The following DTNB variants were observed in gnomAD, a reference collection of about 807,000 sequenced individuals.
DTNB encodes dystrobrevin beta, also known as DTN-B.
Under a neutral mutation model 90.7 loss-of-function variants are expected in DTNB, and 63 were observed. The ratio of observed to expected loss-of-function variants is 0.69; its 90% CI spans 0.57 to 0.86. The LOEUF (loss-of-function observed/expected upper bound fraction) is 0.86, where lower values mean the gene tolerates loss of function less well. DTNB is among the 40% of genes least tolerant of loss of function. DTNB has a pLI of 0.00. For missense variants in DTNB, 744 were observed against 807.1 expected (o/e 0.92, Z 0.95); for synonymous variants, 277 against 286.7 (o/e 0.97, Z 0.34).
chr2:25,483,022 A>T, intron 9 of DTNB, 149 bp from the exon 10 acceptor site: 54 of 533,548 alleles, frequency 1.0e-4, no homozygotes, highest in Middle Eastern at 7.7e-4. Flanking sequence ...CCCATGGGGA[A>T]GGGGAGGCCC....
At chr2:25,627,969 C>T (rs979492693) in intron 4 of DTNB, among the ~76,000 whole-genome samples, 17 of 152,146 alleles carry the variant, frequency 1.1e-4, no homozygotes, top group African/African-American at 4.1e-4. Context: ...ATCTCCTGAC[C>T]TTGTGATTTG....
In DTNB at chr2:25,404,247, C is replaced by T. The variant is rs115929159; in HGVS notation, c.1575+15268G>A. Among the ~76,000 whole-genome samples, 584 of 152,250 alleles carry T rather than the reference C, an allele frequency of 3.8e-3. 4 individuals are homozygous for T. The highest frequency in any genetic ancestry group is 0.013 in the African/African-American group (557 of 41,538). On this transcript the variant is annotated intron_variant, in intron 16 of 20. Transcript: ENST00000406818. ...CACACCAAACGGGATGTAACAGGTGCCACAGCAGAGAAACAGAGGAAAAGC... is the reference window on the plus strand; with the variant it reads ...CACACCAAACGGGATGTAACAGGTGTCACAGCAGAGAAACAGAGGAAAAGC...
intron 16 of DTNB, among the ~76,000 whole-genome samples, chr2:25,394,713 TA>T (rs1334236396): frequency 6.6e-6 from 1 of 151,964 alleles, no homozygotes; most frequent in African/African-American, 2.4e-5. Context: ...AGAATGGCAA[TA>T]AAAAGCTCAA....
chr2:25,578,135 A>T (rs1322484258), intron 7 of DTNB, among the ~76,000 whole-genome samples: 1 of 152,208 alleles, frequency 6.6e-6, no homozygotes, highest in African/African-American at 2.4e-5. Context: ...GCTTCCAAAA[A>T]TATATATTAA....
In DTNB at chr2:25,548,076, A is replaced by T. The variant is rs538187527; in HGVS notation, c.877-16479T>A. 2.0e-5 allele frequency among the ~76,000 whole-genome samples: 3 copies of T among 152,112 alleles called. No homozygotes were observed. In the South Asian group the frequency reaches 6.2e-4, roughly 32 times the overall value. The stretch of plus-strand genomic sequence containing the variant: ...TCAATAAATTAGACCTATTTTACTA[A>T]TTTTTTCAAATAGCCATCTTTTTGT... On this transcript the variant is annotated intron_variant, in intron 8 of 20. Transcript: ENST00000406818.
At chr2:25,550,264 G>A (rs2083350543) in intron 8 of DTNB, among the ~76,000 whole-genome samples, 1 of 152,080 alleles carries the variant, frequency 6.6e-6, no homozygotes, top group South Asian at 2.1e-4. Context: ...GGTGGCAGGT[G>A]CCTGTAGTCC....
At chr2:25,640,600 TA>T (rs2078047549) in intron 2 of DTNB, among the ~76,000 whole-genome samples, 1 of 152,176 alleles carries the variant, frequency 6.6e-6, no homozygotes, top group Non-Finnish European at 1.5e-5. Flanking sequence ...TTTTTAAATA[TA>T]AAAGCTTTAT....
chr2:25,576,222 T>TG (rs2060635494), intron 8 of DTNB, among the ~76,000 whole-genome samples: 1 of 113,526 alleles, frequency 8.8e-6, no homozygotes, highest in Non-Finnish European at 2.0e-5. Flanking sequence ...AACAGTTTTG[T>TG]TTTTTTTTTT....
intron 9 of DTNB, among the ~76,000 whole-genome samples, chr2:25,514,927 C>A (rs1313989789): frequency 6.6e-6 from 1 of 152,072 alleles, no homozygotes; most frequent in Non-Finnish European, 1.5e-5. Context: ...AACTGATCCG[C>A]CTGCCTTGGC....
intron 8 of DTNB, among the ~76,000 whole-genome samples, chr2:25,542,641 C>G (rs1575567879): frequency 6.6e-6 from 1 of 152,248 alleles, no homozygotes; most frequent in Non-Finnish European, 1.5e-5. Flanking sequence ...CAAAAAGTCA[C>G]TCAGGCCTGG....
chr2:25,544,374 T>G (rs890969814), intron 8 of DTNB, among the ~76,000 whole-genome samples: 1 of 152,206 alleles, frequency 6.6e-6, no homozygotes, highest in African/African-American at 2.4e-5. Context: ...TCAAGCTAAT[T>G]CCTTGCACAG....
intron 16 of DTNB, among the ~76,000 whole-genome samples, chr2:25,407,528 C>G (rs2045510185): frequency 6.6e-6 from 1 of 152,130 alleles, no homozygotes; most frequent in South Asian, 2.1e-4. Context: ...ACCTAAGTGC[C>G]CATCAACCAA....
intron 4 of DTNB, among the ~76,000 whole-genome samples, chr2:25,625,278 T>C (rs991463675): frequency 6.6e-6 from 1 of 152,184 alleles, no homozygotes; most frequent in African/African-American, 2.4e-5. Context: ...GGCCAATCAA[T>C]AAAAAGACTA....
At chr2:25,411,356 T>C (rs1278016807) in intron 16 of DTNB, among the ~76,000 whole-genome samples, 1 of 151,316 alleles carries the variant, frequency 6.6e-6, no homozygotes, top group Non-Finnish European at 1.5e-5. Context: ...TGAAACTCCG[T>C]TTCAAAAAAA....
At chr2:25,438,747 G>A (rs945865054) in intron 12 of DTNB, among the ~76,000 whole-genome samples, 1 of 152,204 alleles carries the variant, frequency 6.6e-6, no homozygotes, top group Non-Finnish European at 1.5e-5. Flanking sequence ...TGTGTGGAAA[G>A]GAAAAGGAAT....
chr2:25,581,629 G>A (rs1213348103), intron 6 of DTNB, among the ~76,000 whole-genome samples: 2 of 152,196 alleles, frequency 1.3e-5, no homozygotes, highest in African/African-American at 2.4e-5. Context: ...TTAGAAAGCA[G>A]TCTAGAAAGA....
chr2:25,379,503 C>G (rs1281996744), intron 19 of DTNB, 180 bp from the exon 20 acceptor site: 2 of 664,932 alleles, frequency 3.0e-6, no homozygotes, highest in Non-Finnish European at 4.3e-6. Context: ...ATACTTTCTA[C>G]TACTGTAGCC....
chr2:25,387,349 G>A lies in DTNB; in HGVS notation c.1765C>T (p.Leu589=). 1 of 1,612,412 alleles carries A rather than the reference G, an allele frequency of 6.2e-7. No individual in the cohort carries two copies. Among genetic ancestry groups the A allele is most frequent in the Non-Finnish European group, 8.5e-7 (1 of 1,179,360 alleles). ...TTGGTGATGGAGTCAGCTGCCACCA[G>A]CAGGTCATTGCGGAGGTTTCTCCTC... The part of the protein sequence containing the change: ...GTRRNLRNDL[L]VAADSITNTM... Residue 589 remains leucine, a synonymous_variant, in exon 18 of 21, where the codon CTG becomes TTG. Coordinates refer to ENST00000406818, the MANE Select transcript of DTNB (RefSeq NM_021907.5). This position sits in a 1 kb window ranked among gnomAD's most constrained non-coding sequence, Gnocchi z 4.5.
chr2:25,569,551 C>A (rs1431808291), intron 8 of DTNB, among the ~76,000 whole-genome samples: 2 of 152,066 alleles, frequency 1.3e-5, no homozygotes, highest in Non-Finnish European at 2.9e-5. Flanking sequence ...GGGATCTGCA[C>A]ACTCCGCAGA....
Sources: gnomAD v4.1 joint callset for allele counts (sites outside exome capture counted in the v4.1 genomes callset) on GRCh38, gnomAD v4.1.1 for gene constraint, Gnocchi (gnomAD v3.1) non-coding constraint, MANE v1.5 for transcripts, NCBI Gene and HGNC (gene_info 2026-07-23, HGNC 2026-07-21) for gene names.